NDUFAF2: variants seen among roughly 807,000 people sequenced by gnomAD.
The protein encoded by NDUFAF2 is NADH:ubiquinone oxidoreductase complex assembly factor 2.
A neutral mutation model predicts 22.8 loss-of-function variants in NDUFAF2; 13 were observed. The observed-to-expected ratio is 0.57, with a 90% CI of 0.37 to 0.91. NDUFAF2 has a LOEUF of 0.91. Ranked by LOEUF, NDUFAF2 falls within the 40% of genes least tolerant of loss-of-function variation. The pLI is 0.01. For missense variants in NDUFAF2, 162 were observed against 195.2 expected (o/e 0.83, Z 1.01); for synonymous variants, 53 against 64.2 (o/e 0.83, Z 0.84).
chr5:61,116,662 G>A (rs1484551801), intron 3 of NDUFAF2: 3 of 152,132 alleles, frequency 2.0e-5, no homozygotes, highest in Non-Finnish European at 4.4e-5. Context: ...CTTGAATGTA[G>A]GCTAAACACA....
intron 1 of NDUFAF2, among the ~76,000 whole-genome samples, chr5:60,965,449 T>A (rs1486798925): frequency 6.6e-6 from 1 of 152,198 alleles, no homozygotes. Context: ...GTCACCATGC[T>A]GTACAATAGA....
chr5:61,068,888 G>A (rs73759468), intron 1 of NDUFAF2, among the ~76,000 whole-genome samples: 4,968 of 152,178 alleles, frequency 0.033, 294 homozygotes, highest in African/African-American at 0.11. Flanking sequence ...GTGGTTAAGT[G>A]TCTAGGATCT....
chr5:61,129,110 G>T (rs530989798), intron 3 of NDUFAF2, among the ~76,000 whole-genome samples: 1 of 152,166 alleles, frequency 6.6e-6, no homozygotes, highest in Non-Finnish European at 1.5e-5. Flanking sequence ...TATCACACCA[G>T]TTAGAATGGC....
chr5:61,056,908 AAAAAAAAAAAAAT>A (rs1752100970), intron 1 of NDUFAF2, among the ~76,000 whole-genome samples: 1 of 43,832 alleles, frequency 2.3e-5, no homozygotes, highest in African/African-American at 8.4e-5. Context: ...AAAAAAAAAA[AAAAAAAAAAAAAT>A]ATATATATAT....
intron 1 of NDUFAF2, among the ~76,000 whole-genome samples, chr5:61,072,226 T>C (rs573291627): frequency 7.9e-4 from 120 of 152,320 alleles, no homozygotes; most frequent in Non-Finnish European, 1.4e-3. Context: ...AGCTTGTAAG[T>C]GGTCACCATC....
rs1252389725 is a variant in NDUFAF2 at position 60,996,386 on chromosome 5, A to G, written c.127+51004A>G. Among the ~76,000 whole-genome samples, 13 of 152,160 alleles carry G rather than the reference A, an allele frequency of 8.5e-5. No homozygotes were observed. In the East Asian group the frequency reaches 2.1e-3, roughly 25 times the overall value. ...TGCCTGACAACTCTGACCATTGCGC[A>G]GTCTTGCCTTGGGTGAACTGATACC... On this transcript the variant is annotated intron_variant, in intron 1 of 3. Transcript: ENST00000296597.
At chr5:61,064,029 C>T (rs900147798) in intron 1 of NDUFAF2, among the ~76,000 whole-genome samples, 21 of 151,944 alleles carry the variant, frequency 1.4e-4, no homozygotes, top group African/African-American at 5.1e-4. Flanking sequence ...CACACATAAG[C>T]TGAAAGTAAA....
At chr5:61,024,175 TTTGA>T (rs1453435930) in intron 1 of NDUFAF2, among the ~76,000 whole-genome samples, 3 of 152,176 alleles carry the variant, frequency 2.0e-5, no homozygotes, top group African/African-American at 7.2e-5. Flanking sequence ...ATTGATGTAA[TTTGA>T]TTGACTCTTA....
At chr5:60,949,442 TA>T (rs1242402594) in intron 1 of NDUFAF2, among the ~76,000 whole-genome samples, 1 of 152,246 alleles carries the variant, frequency 6.6e-6, no homozygotes, top group Admixed American at 6.5e-5. Context: ...ATTTACTCAT[TA>T]AAGGGCATTT....
intron 1 of NDUFAF2, among the ~76,000 whole-genome samples, chr5:61,060,388 T>C (rs1367362353): frequency 6.6e-6 from 1 of 152,188 alleles, no homozygotes; most frequent in African/African-American, 2.4e-5. Context: ...TGGCTTTCAG[T>C]AGTTCTCACT....
intron 3 of NDUFAF2, among the ~76,000 whole-genome samples, chr5:61,138,638 G>C (rs1326332133): frequency 1.3e-5 from 2 of 152,142 alleles, no homozygotes; most frequent in East Asian, 3.9e-4. Flanking sequence ...CTTGGAGCTT[G>C]CTTTTATCTT....
intron 3 of NDUFAF2, among the ~76,000 whole-genome samples, chr5:61,111,217 GT>G (rs574519310): frequency 1.2e-3 from 186 of 152,302 alleles, no homozygotes; most frequent in African/African-American, 4.4e-3. Flanking sequence ...TTTAAGAGCT[GT>G]TTTGTGGCCT....
At chr5:60,986,118 T>C (rs1219661975) in intron 1 of NDUFAF2, among the ~76,000 whole-genome samples, 1 of 152,188 alleles carries the variant, frequency 6.6e-6, no homozygotes, top group East Asian at 1.9e-4. Context: ...AGGGCTACCA[T>C]GTGCTCCAGC....
intron 3 of NDUFAF2, among the ~76,000 whole-genome samples, chr5:61,111,561 C>A (rs560874833): frequency 6.6e-6 from 1 of 152,078 alleles, no homozygotes; most frequent in Non-Finnish European, 1.5e-5. Context: ...CTCAGCCCCC[C>A]AAGTAGCTGG....
chr5:61,068,772 AT>A (rs1405775925), intron 1 of NDUFAF2, among the ~76,000 whole-genome samples: 2 of 152,046 alleles, frequency 1.3e-5, no homozygotes, highest in Non-Finnish European at 2.9e-5. Context: ...AGAAATAGTG[AT>A]TTTTACTCTT....
At chr5:61,073,081 T>A (rs372579911) in intron 1 of NDUFAF2, 44 bp from the exon 2 acceptor site, 76 of 1,187,046 alleles carry the variant, frequency 6.4e-5, no homozygotes, top group Non-Finnish European at 9.3e-5. Context: ...AACTACTGTA[T>A]CATAGGTTCA....
chr5:61,103,891 A>G (rs931759794), intron 3 of NDUFAF2, among the ~76,000 whole-genome samples: 1 of 152,084 alleles, frequency 6.6e-6, no homozygotes, highest in Non-Finnish European at 1.5e-5. Context: ...CTGAGTACCC[A>G]TACAGCCATT....
chr5:61,080,917 A>G (rs1752432938), intron 2 of NDUFAF2, among the ~76,000 whole-genome samples: 1 of 152,108 alleles, frequency 6.6e-6, no homozygotes, highest in Non-Finnish European at 1.5e-5. Flanking sequence ...TGTTGTATGA[A>G]AGAAATCTTT....
chr5:61,082,851 T>C (rs1752460748), intron 2 of NDUFAF2, among the ~76,000 whole-genome samples: 2 of 152,210 alleles, frequency 1.3e-5, no homozygotes, highest in Non-Finnish European at 2.9e-5. Context: ...TGTGTCTTTA[T>C]GGTAGAATGA....
Sources: gnomAD v4.1 joint callset for allele counts (sites outside exome capture counted in the v4.1 genomes callset) on GRCh38, gnomAD v4.1.1 for gene constraint, MANE v1.5 for transcripts, NCBI Gene and HGNC (gene_info 2026-07-23, HGNC 2026-07-21) for gene names.